The following CCDC3 variants were observed in gnomAD, a reference collection of about 807,000 sequenced individuals.
The protein encoded by CCDC3 is coiled-coil domain containing 3.
A neutral mutation model predicts 21.4 loss-of-function variants in CCDC3; 24 were observed. That is an observed-to-expected ratio of 1.12 (90% CI 0.81 to 1.58). The LOEUF (loss-of-function observed/expected upper bound fraction) is 1.58, where lower values mean the gene tolerates loss of function less well. CCDC3 is among the 40% of genes most tolerant of loss of function. CCDC3 has a pLI of 0.00. For synonymous variants in CCDC3, 186 were observed against 166.0 expected (o/e 1.12, Z -0.93); for missense variants, 425 against 360.9 (o/e 1.18, Z -1.44).
At chr10:13,007,703 G>A (rs1246540581) in intron 5 of CCDC3, among the ~76,000 whole-genome samples, 1 of 152,146 alleles carries the variant, frequency 6.6e-6, no homozygotes, top group Admixed American at 6.5e-5. Flanking sequence ...GGTCAAATAT[G>A]TCCTTTCTTC....
intron 5 of CCDC3, among the ~76,000 whole-genome samples, chr10:13,032,087 C>A (rs1037362739): frequency 6.6e-6 from 1 of 152,150 alleles, no homozygotes; most frequent in African/African-American, 2.4e-5. Context: ...ACGCGAAAAT[C>A]CTCAATAAAA....
Position 13,072,134 on chromosome 10 carries a change from C to T in CCDC3, c.-270+1734G>A, listed in dbSNP as rs143845419. Among the ~76,000 whole-genome samples the T allele has an allele frequency of 4.0e-3, 605 of 152,222 alleles. 2 individuals carry two copies. Among genetic ancestry groups the T allele is most frequent in the African/African-American group, 0.013 (558 of 41,548 alleles). ...TTGGGATTTTTTGAGCTGTCCTTACCGTAACCTCCTTGTTTCGTTTTGATA... is the reference window on the plus strand; with the variant it reads ...TTGGGATTTTTTGAGCTGTCCTTACTGTAACCTCCTTGTTTCGTTTTGATA... On this transcript the variant is annotated intron_variant, in intron 4 of 6. Transcript: ENST00000378839.
At chr10:13,015,344 G>A (rs1836041632) in intron 5 of CCDC3, among the ~76,000 whole-genome samples, 1 of 152,040 alleles carries the variant, frequency 6.6e-6, no homozygotes, top group African/African-American at 2.4e-5. Context: ...TTCCGAAAGG[G>A]CTAGATCATT....
intron 3 of CCDC3, among the ~76,000 whole-genome samples, chr10:13,092,668 G>A (rs1159685401): frequency 1.3e-5 from 2 of 152,224 alleles, no homozygotes; most frequent in Non-Finnish European, 2.9e-5. Context: ...ATGAGGTCAG[G>A]AATAACACAG....
At chr10:12,974,712 C>T (rs1032664478) in intron 2 of CCDC3, among the ~76,000 whole-genome samples, 1 of 152,196 alleles carries the variant, frequency 6.6e-6, no homozygotes, top group Non-Finnish European at 1.5e-5. Context: ...CAACATGACA[C>T]CCCCGGATCA....
chr10:12,978,482 G>T (rs1348813882), intron 2 of CCDC3, among the ~76,000 whole-genome samples: 2 of 152,174 alleles, frequency 1.3e-5, no homozygotes, highest in South Asian at 2.1e-4. Context: ...AGAACCTTGG[G>T]GTTACATGAC....
chr10:13,007,248 A>G (rs1025741513), intron 5 of CCDC3, among the ~76,000 whole-genome samples: 7 of 152,140 alleles, frequency 4.6e-5, no homozygotes, highest in African/African-American at 1.7e-4. Flanking sequence ...TCACACATCG[A>G]GTATTCAGTT....
At chr10:13,035,603 T>C (rs1836367985) in intron 5 of CCDC3, among the ~76,000 whole-genome samples, 1 of 152,202 alleles carries the variant, frequency 6.6e-6, no homozygotes, top group African/African-American at 2.4e-5. Flanking sequence ...CCAACCATGT[T>C]CTGCTTGTTT....
At chr10:13,081,228 A>G (rs1837036178) in intron 3 of CCDC3, among the ~76,000 whole-genome samples, 1 of 151,828 alleles carries the variant, frequency 6.6e-6, no homozygotes, top group South Asian at 2.1e-4. Flanking sequence ...ATGTCCCCAC[A>G]TTTAAAACAA....
At chr10:13,098,371 T>G (rs774873035) in intron 3 of CCDC3, among the ~76,000 whole-genome samples, 21 of 152,204 alleles carry the variant, frequency 1.4e-4, no homozygotes, top group Non-Finnish European at 3.1e-4. Context: ...TGGAGTGCAG[T>G]GCTGCAATCA....
intron 2 of CCDC3, among the ~76,000 whole-genome samples, chr10:12,955,959 C>T (rs1433502229): frequency 1.3e-5 from 2 of 152,150 alleles, no homozygotes; most frequent in Non-Finnish European, 2.9e-5. Flanking sequence ...CTGCCTGCCT[C>T]AGCCTCCCAA....
intron 5 of CCDC3, among the ~76,000 whole-genome samples, chr10:13,009,613 T>C (rs1835961491): frequency 1.3e-5 from 2 of 152,156 alleles, no homozygotes; most frequent in Non-Finnish European, 2.9e-5. Context: ...AATAAACCCA[T>C]AAATATATAG....
chr10:12,943,371 C>G (rs568520803), intron 2 of CCDC3, among the ~76,000 whole-genome samples: 166 of 152,250 alleles, frequency 1.1e-3, no homozygotes, highest in African/African-American at 3.3e-3. Flanking sequence ...GATGAGGTAG[C>G]TAAAAAGAAA....
rs781213542 is a variant in CCDC3 at position 13,080,924 on chromosome 10, C to T, written c.-502-6824G>A. 1.1e-3 allele frequency among the ~76,000 whole-genome samples: 164 copies of T among 152,334 alleles called. 1 individual carries two copies. Among genetic ancestry groups the T allele is most frequent in the African/African-American group, 2.0e-3 (82 of 41,590 alleles). ...AGGCCCCTCATCCCCAAGGCCGAAA[C>T]GCACAGGGGTGATGAGGGCCACAGA... On this transcript the variant is annotated intron_variant, in intron 3 of 6. Coordinates refer to the CCDC3 transcript ENST00000378839.
chr10:12,977,492 G>A (rs1835434585), intron 2 of CCDC3, among the ~76,000 whole-genome samples: 1 of 152,168 alleles, frequency 6.6e-6, no homozygotes, highest in Admixed American at 6.5e-5. Context: ...GTAGCTGATT[G>A]CAAAGTTAAC....
intron 2 of CCDC3, among the ~76,000 whole-genome samples, chr10:12,978,955 C>T (rs1408840828): frequency 6.6e-6 from 1 of 152,188 alleles, no homozygotes; most frequent in Non-Finnish European, 1.5e-5. Flanking sequence ...TCACGCAACA[C>T]CGCCTTCCTT....
At chr10:12,943,633 A>G (rs1182334464) in intron 2 of CCDC3, among the ~76,000 whole-genome samples, 3 of 137,612 alleles carry the variant, frequency 2.2e-5, no homozygotes, top group African/African-American at 7.6e-5. Context: ...CCATCTGCAT[A>G]ACAACAGATT....
intron 3 of CCDC3, among the ~76,000 whole-genome samples, chr10:13,087,233 A>G (rs1257306665): frequency 3.3e-5 from 5 of 151,980 alleles, no homozygotes; most frequent in Non-Finnish European, 5.9e-5. Flanking sequence ...GGAGAAACCC[A>G]GTCTCTACTA....
intron 2 of CCDC3, among the ~76,000 whole-genome samples, chr10:12,955,139 T>A (rs1455201054): frequency 5.3e-5 from 8 of 152,234 alleles, no homozygotes; most frequent in Admixed American, 6.5e-5. Flanking sequence ...TTCAGATGTG[T>A]CTGGCATTTA....
Sources: gnomAD v4.1 joint callset for allele counts (sites outside exome capture counted in the v4.1 genomes callset) on GRCh38, gnomAD v4.1.1 for gene constraint, MANE v1.5 for transcripts, NCBI Gene and HGNC (gene_info 2026-07-23, HGNC 2026-07-21) for gene names.